RASA1: variants seen among roughly 807,000 people sequenced by gnomAD.
RASA1 encodes the protein ras GTPase-activating protein 1.
In RASA1, 25 loss-of-function variants were observed where a neutral mutation model predicts 132.2. The observed-to-expected ratio is 0.19, with a 90% CI of 0.14 to 0.26. RASA1 has a LOEUF of 0.26. Among genes scored for constraint, RASA1 ranks in the 10% least tolerant of loss-of-function variants. The probability of loss-of-function intolerance (pLI) is 1.00; values close to 1 mark genes in which losing one functional copy is unlikely to be tolerated. For synonymous variants in RASA1, 477 were observed against 449.9 expected (o/e 1.06, Z -0.76); for missense variants, 964 against 1,299.2 (o/e 0.74, Z 3.97).
At chr5:87,281,573 A>ATTTTTG (rs1185895035) in intron 1 of RASA1, among the ~76,000 whole-genome samples, 3 of 150,340 alleles carry the variant, frequency 2.0e-5, no homozygotes, top group African/African-American at 4.9e-5. Flanking sequence ...TCTGTTGCCC[A>ATTTTTG]TTTTTGTTTT....
chr5:87,387,632 T>A (rs1554050701), intron 23 of RASA1, among the ~76,000 whole-genome samples: 1 of 152,134 alleles, frequency 6.6e-6, no homozygotes, highest in Non-Finnish European at 1.5e-5. Flanking sequence ...GATTGGAGAT[T>A]GAGGTGTCCA....
chr5:87,372,058 A>T, intron 12 of RASA1, 60 bp from the exon 13 acceptor site: 3 of 1,455,506 alleles, frequency 2.1e-6, no homozygotes, highest in Non-Finnish European at 9.4e-7. Flanking sequence ...AACCTAACTG[A>T]TGATTTGGAA....
intron 9 of RASA1, among the ~76,000 whole-genome samples, chr5:87,354,852 AT>A (rs1336560337): frequency 3.9e-5 from 6 of 152,172 alleles, no homozygotes. Context: ...AAACACCCTT[AT>A]TGCTGATATA....
chr5:87,327,822 G>A (rs574721218), intron 1 of RASA1, among the ~76,000 whole-genome samples: 40 of 152,076 alleles, frequency 2.6e-4, no homozygotes, highest in Middle Eastern at 3.4e-3. Context: ...AAAGTTAGCC[G>A]GATGTGGTGG....
At position 87,369,874 on chromosome 5, in the gene RASA1, G is replaced by T; in HGVS notation, c.1672G>T (p.Ala558Ser). Reference sequence around the variant, plus strand: ...TGAAGAACATTACATCTTTTACTTTGCAGGAGAAACTCCAGAACAAGCAGA... The same window carrying T: ...TGAAGAACATTACATCTTTTACTTTTCAGGAGAAACTCCAGAACAAGCAGA... ...FSEEHYIFYF[A>S]GETPEQAEDW... is the part of the protein sequence containing the mutation. The change falls in exon 12 of 25, where the codon GCA (alanine) becomes TCA (serine). Residue 558 changes from alanine to serine, a missense_variant. Physicochemically the swap from Ala to Ser is moderately conservative, Grantham distance 99 (BLOSUM62 1). Around this residue, in one of 6 missense-constraint regions of RASA1, gnomAD observed 346 missense variants for 520.1 expected, o/e 0.67. Transcript: ENST00000274376. 1 of 1,611,302 alleles carries T rather than the reference G, an allele frequency of 6.2e-7. No homozygotes were observed. Among genetic ancestry groups the T allele is most frequent in the South Asian group, 1.1e-5 (1 of 90,978 alleles).
In RASA1 at chr5:87,389,380, G is replaced by A. The variant is rs890986927; in HGVS notation, c.2926-13G>A. The A allele has an allele frequency of 1.7e-5, 27 of 1,613,734 alleles. No homozygotes were observed. The highest frequency in any genetic ancestry group is 1.9e-5 in the Non-Finnish European group (23 of 1,179,766). On this transcript the variant is annotated splice_polypyrimidine_tract_variant and intron_variant, in intron 23 of 24. Transcript: ENST00000274376. ...TTTGTATTTCTAAATGCAATTTTAC[G>A]ATTCCCTTAAAGAATGTACCTGAAC...
At chr5:87,294,879 G>T (rs1755052972) in intron 1 of RASA1, among the ~76,000 whole-genome samples, 1 of 152,194 alleles carries the variant, frequency 6.6e-6, no homozygotes, top group East Asian at 1.9e-4. Context: ...TGAAAGTGCT[G>T]CTGAGTTAAA....
rs1047274409 is a variant in RASA1 at position 87,372,135 on chromosome 5, G to C, written c.1716G>C (p.Leu572=). The change falls in exon 13 of 25, where the codon CTG becomes CTC. Residue 572 remains leucine, a synonymous_variant. Transcript: ENST00000274376. ...CTTTGCAGGATTGGATGAAAGGTCT[G>C]CAGGCATTTTGCAATTTACGGAAAA... is the stretch of plus-strand genomic sequence containing the variant. ...PEQAEDWMKG[L]QAFCNLRKSS... is the part of the protein sequence containing the mutation. 6.2e-7 allele frequency: 1 copy of C among 1,613,418 alleles called. No individual in the cohort carries two copies. The highest frequency in any genetic ancestry group is 1.3e-5 in the African/African-American group (1 of 74,870).
intron 9 of RASA1, among the ~76,000 whole-genome samples, chr5:87,359,489 G>T (rs565838039): frequency 1.5e-4 from 23 of 152,120 alleles, no homozygotes; most frequent in African/African-American, 5.5e-4. Context: ...ACTTTAATAT[G>T]ATTTTTAAAA....
chr5:87,274,994 C>A (rs956696173), intron 1 of RASA1, among the ~76,000 whole-genome samples: 1 of 152,072 alleles, frequency 6.6e-6, no homozygotes, highest in Non-Finnish European at 1.5e-5. Flanking sequence ...ATGCTAGAAT[C>A]GGTATGGATC....
chr5:87,317,634 C>CTT (rs112587674), intron 1 of RASA1, among the ~76,000 whole-genome samples: 14 of 143,812 alleles, frequency 9.7e-5, no homozygotes, highest in Admixed American at 1.4e-4. Context: ...TTCTCATGCT[C>CTT]TTTTTTTTTT....
intron 1 of RASA1, among the ~76,000 whole-genome samples, chr5:87,270,687 T>A (rs1753792689): frequency 3.1e-5 from 4 of 127,902 alleles, no homozygotes; most frequent in Non-Finnish European, 6.4e-5. Flanking sequence ...TTTTTTTGGA[T>A]AAGCTTCTTT....
chr5:87,281,355 A>G (rs138117314), intron 1 of RASA1, among the ~76,000 whole-genome samples: 18 of 151,394 alleles, frequency 1.2e-4, no homozygotes, highest in Non-Finnish European at 2.1e-4. Context: ...TCTTACTGCA[A>G]TCTCCGCCTC....
chr5:87,328,853 A>G (rs1757414332), intron 1 of RASA1, among the ~76,000 whole-genome samples: 1 of 152,188 alleles, frequency 6.6e-6, no homozygotes, highest in African/African-American at 2.4e-5. Flanking sequence ...TAGGTTCTAG[A>G]AATCTGTAAG....
chr5:87,316,929 C>CCAGAA (rs1266374978), intron 1 of RASA1, among the ~76,000 whole-genome samples: 1 of 151,774 alleles, frequency 6.6e-6, no homozygotes, highest in Non-Finnish European at 1.5e-5. Context: ...GTTGCCCAGG[C>CCAGAA]CAGAGTGCAG....
At chr5:87,293,135 A>G (rs961027953) in intron 1 of RASA1, among the ~76,000 whole-genome samples, 1 of 151,888 alleles carries the variant, frequency 6.6e-6, no homozygotes, top group Non-Finnish European at 1.5e-5. Context: ...GACTTTGAGT[A>G]TGATTTTGAA....
At chr5:87,335,819 T>C (rs1372867220) in intron 4 of RASA1, among the ~76,000 whole-genome samples, 1 of 152,180 alleles carries the variant, frequency 6.6e-6, no homozygotes, top group African/African-American at 2.4e-5. Context: ...TCAACGCATG[T>C]TGTTACAAAA....
chr5:87,340,502 G>A (rs1758355511), intron 5 of RASA1, among the ~76,000 whole-genome samples: 1 of 151,866 alleles, frequency 6.6e-6, no homozygotes, highest in Admixed American at 6.6e-5. Context: ...TTTAATGAGT[G>A]AGGACCAAAT....
At chr5:87,276,345 G>A (rs1170686975) in intron 1 of RASA1, among the ~76,000 whole-genome samples, 2 of 152,168 alleles carry the variant, frequency 1.3e-5, no homozygotes, top group Non-Finnish European at 2.9e-5. Flanking sequence ...GTGTTACCTT[G>A]AAATCACTGG....
Sources: allele counts gnomAD v4.1 joint callset (sites outside exome capture counted in the v4.1 genomes callset), GRCh38; gene constraint gnomAD v4.1.1; regional missense constraint gnomAD v4.1.1; transcripts MANE v1.5; gene names NCBI Gene and HGNC (gene_info 2026-07-23, HGNC 2026-07-21).